The following SIGLEC1 variants were observed in gnomAD, a reference collection of about 807,000 sequenced individuals.
SIGLEC1 encodes the protein sialic acid binding Ig like lectin 1, also known as sialoadhesin.
A neutral mutation model predicts 148.0 loss-of-function variants in SIGLEC1; 132 were observed. That is an observed-to-expected ratio of 0.89 (90% CI 0.77 to 1.03). SIGLEC1 has a LOEUF of 1.03. Ranked by LOEUF, SIGLEC1 falls within the 50% of genes least tolerant of loss-of-function variation. SIGLEC1 has a pLI of 0.00. For synonymous variants in SIGLEC1, 945 were observed against 969.0 expected (o/e 0.98, Z 0.46); for missense variants, 2,253 against 2,271.4 (o/e 0.99, Z 0.16).
intron 6 of SIGLEC1, 146 bp from the exon 7 acceptor site, chr20:3,701,787 A>G (rs1002257100): frequency 5.5e-5 from 42 of 761,682 alleles, no homozygotes; most frequent in Non-Finnish European, 7.5e-5. Flanking sequence ...TGCCTGCTGA[A>G]TACACTTTTG....
At chr20:3,697,044 C>T in intron 10 of SIGLEC1, 41 bp downstream of exon 10, 2 of 1,593,310 alleles carry the variant, frequency 1.3e-6, no homozygotes, top group Non-Finnish European at 8.5e-7. Context: ...GACCACCCCT[C>T]CACCCTCCAA....
At chr20:3,698,786 C>T (rs1390234507) in intron 8 of SIGLEC1, among the ~76,000 whole-genome samples, 1 of 152,248 alleles carries the variant, frequency 6.6e-6, no homozygotes, top group Non-Finnish European at 1.5e-5. Context: ...TACACGGAGC[C>T]TCCCCGCTTG....
At chr20:3,708,906 G>A (rs751961876) in intron 1 of SIGLEC1, among the ~76,000 whole-genome samples, 5 of 151,806 alleles carry the variant, frequency 3.3e-5, no homozygotes, top group Non-Finnish European at 7.4e-5. Context: ...TTAGCTGGGT[G>A]TGGTGGTGTG....
In SIGLEC1 at chr20:3,697,892, A is replaced by C; in HGVS notation, c.2028T>G (p.Ile676Met). 6.2e-7 allele frequency: 1 copy of C among 1,613,134 alleles called. No individual in the cohort carries two copies. The highest frequency in any genetic ancestry group is 8.5e-7 in the Non-Finnish European group (1 of 1,179,972). ...TKAPNLLRVE[I>M]HNPLLEEEGL... ...CCTCCTCTTCCAGCAAAGGGTTGTGAATCTCCACACGCAGCAAGTTGGGGG... is the reference window on the plus strand; with the variant it reads ...CCTCCTCTTCCAGCAAAGGGTTGTGCATCTCCACACGCAGCAAGTTGGGGG... Residue 676 changes from isoleucine to methionine, a missense_variant, in exon 9 of 22, where the codon ATT (isoleucine) becomes ATG (methionine). Transcript: ENST00000344754.
intron 3 of SIGLEC1, 70 bp downstream of exon 3, chr20:3,706,277 G>A: frequency 6.5e-7 from 1 of 1,541,068 alleles, no homozygotes; most frequent in Non-Finnish European, 8.7e-7. Flanking sequence ...GGCTGGGGCT[G>A]AGAGCCAAGG....
chr20:3,704,091 T>G lies in SIGLEC1; in HGVS notation c.707A>C (p.Tyr236Ser), dbSNP rs1400206068. 1 of 1,610,532 alleles carries G rather than the reference T, an allele frequency of 6.2e-7. No homozygotes were observed. Among genetic ancestry groups the G allele is most frequent in the South Asian group, 1.1e-5 (1 of 90,910 alleles). Residue 236 changes from tyrosine to serine, a missense_variant and splice_region_variant, in exon 5 of 22, where the codon TAT becomes TCT. Transcript: ENST00000344754. ...GAGGATCTTCACACCCTTGGGGGCA[T>G]CTGCAAGTCACAGTAGGGGGTATTG... ...AQSEIHLQVK[Y>S]APKGVKILLS... is the part of the protein sequence containing the mutation.
chr20:3,697,655 C>T (rs940771035), intron 9 of SIGLEC1, 143 bp downstream of exon 9: 42 of 759,930 alleles, frequency 5.5e-5, no homozygotes, highest in Middle Eastern at 3.7e-4. Context: ...GGAGCAGCTC[C>T]GCTCTTCCTG....
Position 3,710,325 on chromosome 20 carries a change from A to G in SIGLEC1, c.-110+2145T>C, listed in dbSNP as rs1027264461. Among the ~76,000 whole-genome samples, 1 of 152,188 alleles carries G rather than the reference A, an allele frequency of 6.6e-6. No homozygotes were observed. Among genetic ancestry groups the G allele is most frequent in the African/African-American group, 2.4e-5 (1 of 41,440 alleles). ...TGCTGCAGAAGGCAGAAGGTGCCCC[A>G]GCAGGGGGCACAGTACAGGGCGGGA... On this transcript the variant is annotated intron_variant, in intron 1 of 21. Transcript: ENST00000344754. The surrounding 1 kb of genome is among the most constrained non-coding windows in gnomAD (Gnocchi z 4.6).
intron 11 of SIGLEC1, among the ~76,000 whole-genome samples, chr20:3,695,734 G>A (rs1159837077): frequency 2.6e-5 from 4 of 152,150 alleles, no homozygotes; most frequent in African/African-American, 4.8e-5. Flanking sequence ...GTCGGTCACC[G>A]TGGTGGAAGA....
At chr20:3,691,304 G>A (rs1409216008) in intron 18 of SIGLEC1, 36 bp downstream of exon 18, 25 of 1,608,842 alleles carry the variant, frequency 1.6e-5, no homozygotes, top group Non-Finnish European at 2.0e-5. Context: ...TGTGAGATGT[G>A]GGGAGACTAA....
intron 6 of SIGLEC1, 132 bp from the exon 7 acceptor site, chr20:3,701,773 T>A: frequency 1.2e-6 from 1 of 837,312 alleles, no homozygotes; most frequent in South Asian, 2.4e-5. Context: ...CCAAAGTGCC[T>A]GAGTGCCTGC....
At chr20:3,689,780 T>G in intron 19 of SIGLEC1, 78 bp from the exon 20 acceptor site, 1 of 1,351,876 alleles carries the variant, frequency 7.4e-7, no homozygotes, top group Non-Finnish European at 1.0e-6. Context: ...CCACCCAAGA[T>G]GACACCTTCT....
chr20:3,706,118 G>A, intron 3 of SIGLEC1, 78 bp from the exon 4 acceptor site: 1 of 1,484,802 alleles, frequency 6.7e-7, no homozygotes, highest in Non-Finnish European at 9.2e-7. Flanking sequence ...CCCAGCTGAG[G>A]AGAGAGCCCT....
rs1378013184 is a variant in SIGLEC1 at position 3,688,435 on chromosome 20, C to T, written c.*125G>A. The T allele has an allele frequency of 4.7e-6, 4 of 850,980 alleles. No individual in the cohort carries two copies. Among genetic ancestry groups the T allele is most frequent in the Non-Finnish European group, 7.7e-6 (4 of 516,146 alleles). The allele number at this position is 850,980 out of a possible 1,614,324, so 52.7% of individuals were successfully genotyped here. On this transcript the variant is annotated 3_prime_UTR_variant, in exon 22 of 22. Transcript: ENST00000344754. ...GGCTTGGGGCCAGGTCATAAAAAGT[C>T]AGATGTCACAGAGCTGTTTTCGTAG...
At chr20:3,702,268 G>A (rs1323680145) in intron 6 of SIGLEC1, among the ~76,000 whole-genome samples, 1 of 152,194 alleles carries the variant, frequency 6.6e-6, no homozygotes, top group Non-Finnish European at 1.5e-5. Flanking sequence ...GGTAAAATGT[G>A]AATATAGATT....
intron 1 of SIGLEC1, among the ~76,000 whole-genome samples, chr20:3,712,266 A>G (rs2087932802): frequency 6.6e-6 from 1 of 151,750 alleles, no homozygotes; most frequent in African/African-American, 2.4e-5. Context: ...TGCAGGTTGG[A>G]AGGATTTGGG....
At position 3,706,491 on chromosome 20, in the gene SIGLEC1, A is replaced by T. The variant is rs773437768; in HGVS notation, c.265T>A (p.Phe89Ile). ...VEARFRGRTE[F>I]MGNPEHRVCN... ...ACCCTGTGCTCGGGGTTCCCCATGA[A>T]CTCGGTGCGGCCGCGGAAGCGGGCC... Residue 89 changes from phenylalanine to isoleucine, a missense_variant, in exon 3 of 22, where the codon TTC becomes ATC. Coordinates refer to ENST00000344754, the MANE Select transcript of SIGLEC1 (RefSeq NM_023068.4). 6.2e-6 allele frequency: 10 copies of T among 1,613,524 alleles called. No individual in the cohort carries two copies. Among genetic ancestry groups the T allele is most frequent in the Non-Finnish European group, 8.5e-6 (10 of 1,179,998 alleles).
intron 15 of SIGLEC1, 41 bp downstream of exon 15, chr20:3,692,821 G>A: frequency 6.2e-7 from 1 of 1,601,132 alleles, no homozygotes; most frequent in Non-Finnish European, 8.5e-7. Context: ...ACACCACAGT[G>A]GGCTTCCATC....
chr20:3,702,953 T>C (rs2087863232), intron 6 of SIGLEC1: 1 of 542,670 alleles, frequency 1.8e-6, no homozygotes, highest in Non-Finnish European at 3.3e-6. Flanking sequence ...AGGTTAAAGG[T>C]ATATAATCAT....
Sources: gnomAD v4.1 joint callset for allele counts (sites outside exome capture counted in the v4.1 genomes callset) on GRCh38, gnomAD v4.1.1 for gene constraint, Gnocchi (gnomAD v3.1) non-coding constraint, MANE v1.5 for transcripts, NCBI Gene and HGNC (gene_info 2026-07-23, HGNC 2026-07-21) for gene names.